The following ERICH3 variants were observed in gnomAD, a reference collection of about 807,000 sequenced individuals.
ERICH3 encodes glutamate rich 3.
Under a neutral mutation model 131.1 loss-of-function variants are expected in ERICH3, and 126 were observed. That is an observed-to-expected ratio of 0.96 (90% CI 0.83 to 1.11). The LOEUF is 1.11. Ranked by LOEUF, ERICH3 falls within the 50% of genes most tolerant of loss-of-function variation. The pLI is 0.00. For synonymous variants in ERICH3, 695 were observed against 644.6 expected (o/e 1.08, Z -1.18); for missense variants, 2,050 against 1,810.7 (o/e 1.13, Z -2.40).
chr1:74,640,207 G>T lies in ERICH3; in HGVS notation c.444+1124C>A, dbSNP rs115960751. On this transcript the variant is annotated intron_variant, in intron 5 of 14. Transcript: ENST00000326665. ...TTTTCCTCTCTGAAACAGGTGGGAAGACTGAAAACAGCACTTGATTGTTTC... is the reference window on the plus strand; with the variant it reads ...TTTTCCTCTCTGAAACAGGTGGGAATACTGAAAACAGCACTTGATTGTTTC... Among the ~76,000 whole-genome samples the T allele has an allele frequency of 2.9e-3, 444 of 152,298 alleles. 2 individuals are homozygous for T. Among genetic ancestry groups the T allele is most frequent in the African/African-American group, 0.01 (424 of 41,574 alleles).
chr1:74,640,296 G>T (rs1186809291), intron 5 of ERICH3, among the ~76,000 whole-genome samples: 2 of 152,058 alleles, frequency 1.3e-5, no homozygotes, highest in Non-Finnish European at 1.5e-5. Flanking sequence ...AAAAGAATTT[G>T]TATACATATA....
intron 13 of ERICH3, 28 bp downstream of exon 13, chr1:74,576,867 T>C (rs772389508): frequency 1.0e-5 from 16 of 1,580,576 alleles, no homozygotes; most frequent in South Asian, 8.1e-5. Flanking sequence ...ATCACTCTAA[T>C]TGGACCTCTT....
At position 74,572,913 on chromosome 1, in the gene ERICH3, C is replaced by T; in HGVS notation, c.2797G>A (p.Ala933Thr). Reference protein sequence around the residue: ...REAATSEEGEAEGGVAVSDVG... With the variant: ...REAATSEEGETEGGVAVSDVG... ...TCACTCACAGCCACCCCACCCTCAG[C>T]CTCTCCCTCCTCCGATGTCGCTGCC... is the stretch of plus-strand genomic sequence containing the variant. The change falls in exon 14 of 15, where the codon GCT becomes ACT. Residue 933 changes from alanine to threonine, a missense_variant. Physicochemically the swap from Ala to Thr is moderately conservative, Grantham distance 58. Transcript: ENST00000326665. 5.6e-6 allele frequency: 9 copies of T among 1,614,030 alleles called. No individual in the cohort carries two copies. The highest frequency in any genetic ancestry group is 7.6e-6 in the Non-Finnish European group (9 of 1,180,004).
chr1:74,665,604 C>G (rs1237687300), intron 1 of ERICH3, among the ~76,000 whole-genome samples: 1 of 152,096 alleles, frequency 6.6e-6, no homozygotes, highest in East Asian at 1.9e-4. Flanking sequence ...AAGGTGTCAG[C>G]AGGGTTGGTT....
At chr1:74,586,164 T>G (rs894153700) in intron 12 of ERICH3, among the ~76,000 whole-genome samples, 1 of 152,036 alleles carries the variant, frequency 6.6e-6, no homozygotes, top group African/African-American at 2.4e-5. Context: ...CGTGCAGTTA[T>G]ACAATACTGT....
intron 9 of ERICH3, among the ~76,000 whole-genome samples, chr1:74,612,171 G>C (rs1410162773): frequency 6.6e-6 from 1 of 152,156 alleles, no homozygotes; most frequent in Non-Finnish European, 1.5e-5. Context: ...CAGTAATGCA[G>C]GCAAACCTAA....
intron 6 of ERICH3, chr1:74,634,973 G>T (rs1033319921): frequency 6.0e-6 from 2 of 333,972 alleles, no homozygotes; most frequent in East Asian, 4.6e-5. Context: ...TGCCTACTAG[G>T]GGATAATGCA....
chr1:74,649,182 A>C (rs1646510645), intron 2 of ERICH3, 40 bp downstream of exon 2: 13 of 1,415,136 alleles, frequency 9.2e-6, no homozygotes, highest in Non-Finnish European at 1.3e-5. Flanking sequence ...ATTGGACTTA[A>C]TGAAACAAGA....
chr1:74,620,698 C>G, intron 8 of ERICH3, 36 bp downstream of exon 8: 1 of 1,514,208 alleles, frequency 6.6e-7, no homozygotes, highest in Non-Finnish European at 8.9e-7. Context: ...AACATCAACT[C>G]CAAGCAATTA....
chr1:74,654,423 T>C (rs1297407352), intron 1 of ERICH3, among the ~76,000 whole-genome samples: 3 of 152,074 alleles, frequency 2.0e-5, no homozygotes, highest in African/African-American at 4.8e-5. Context: ...CTGTTTCTCT[T>C]AGTTTCTTTG....
chr1:74,607,667 T>C (rs773539296), intron 9 of ERICH3, among the ~76,000 whole-genome samples: 1 of 151,982 alleles, frequency 6.6e-6, no homozygotes, highest in Non-Finnish European at 1.5e-5. Flanking sequence ...ATAGAGGTTA[T>C]GAAGTCATTC....
intron 8 of ERICH3, 37 bp downstream of exon 8, chr1:74,620,697 T>G: frequency 1.3e-6 from 2 of 1,513,104 alleles, no homozygotes; most frequent in Non-Finnish European, 1.8e-6. Context: ...TAACATCAAC[T>G]CCAAGCAATT....
chr1:74,585,210 C>G (rs1191573553), intron 12 of ERICH3, among the ~76,000 whole-genome samples: 1 of 152,166 alleles, frequency 6.6e-6, no homozygotes, highest in Non-Finnish European at 1.5e-5. Flanking sequence ...CAATGCATGA[C>G]AGCTTAAGCT....
chr1:74,606,707 T>C lies in ERICH3; in HGVS notation c.1383A>G (p.Ile461Met). Residue 461 changes from isoleucine to methionine, a missense_variant, in exon 10 of 15, where the codon ATA (isoleucine) becomes ATG (methionine). Transcript: ENST00000326665. The stretch of plus-strand genomic sequence containing the variant: ...TTACCACTTCTTTGAGCCCTGTTTT[T>C]ATTTCTTGAGCTGAAAATTTGGCTG... ...SVSAKFSAQE[I>M]KTGLKEVVTA... 6.2e-7 allele frequency: 1 copy of C among 1,613,390 alleles called. No individual in the cohort carries two copies. The highest frequency in any genetic ancestry group is 1.7e-5 in the Admixed American group (1 of 59,904).
At chr1:74,586,365 T>C (rs1284454312) in intron 12 of ERICH3, 1 of 937,856 alleles carries the variant, frequency 1.1e-6, no homozygotes, top group African/African-American at 1.8e-5. Flanking sequence ...TATTAATATA[T>C]CTATACCTAT....
intron 1 of ERICH3, among the ~76,000 whole-genome samples, chr1:74,658,071 AT>A (rs1329108025): frequency 2.6e-5 from 4 of 152,286 alleles, no homozygotes; most frequent in African/African-American, 9.6e-5. Flanking sequence ...AATTAGTATT[AT>A]CTTCCCTCTT....
At chr1:74,634,549 C>A in intron 6 of ERICH3, 1 of 606,014 alleles carries the variant, frequency 1.7e-6, no homozygotes, top group Non-Finnish European at 3.0e-6. Context: ...AAAAATTGCT[C>A]CCCAGCCAGC....
chr1:74,664,340 C>T (rs1330735429), intron 1 of ERICH3, among the ~76,000 whole-genome samples: 1 of 151,054 alleles, frequency 6.6e-6, no homozygotes, highest in Non-Finnish European at 1.5e-5. Context: ...ATCCCTAGTA[C>T]CCAGAAAGTT....
At position 74,620,888 on chromosome 1, in the gene ERICH3, G is replaced by A; in HGVS notation, c.846C>T (p.Ser282=). ...TKDSRRIHKT[S]LHSNAAITMI... ...TTGTAATAGCTGCATTACTATGTAA[G>A]GATGTTTTATGAATCCTTCTTGAAT... is the stretch of plus-strand genomic sequence containing the variant. The change falls in exon 8 of 15, where the codon TCC becomes TCT. Residue 282 remains serine, a synonymous_variant. Coordinates refer to ENST00000326665, the MANE Select transcript of ERICH3 (RefSeq NM_001002912.5). The A allele has an allele frequency of 6.2e-7, 1 of 1,600,546 alleles. No homozygotes were observed. The highest frequency in any genetic ancestry group is 8.5e-7 in the Non-Finnish European group (1 of 1,174,546).
Sources: allele counts gnomAD v4.1 joint callset (sites outside exome capture counted in the v4.1 genomes callset), GRCh38; gene constraint gnomAD v4.1.1; transcripts MANE v1.5; gene names NCBI Gene and HGNC (gene_info 2026-07-23, HGNC 2026-07-21).